Variants in PIK3CB observed in about 807,000 individuals in gnomAD.
PIK3CB encodes phosphatidylinositol 4,5-bisphosphate 3-kinase catalytic subunit beta isoform.
PIK3CB carries 39 observed loss-of-function variants against 136.8 expected under a neutral mutation model. The ratio of observed to expected loss-of-function variants is 0.29; its 90% CI spans 0.22 to 0.37. The LOEUF is 0.37. PIK3CB is among the 10% of genes least tolerant of loss of function. PIK3CB has a pLI of 1.00. For missense variants in PIK3CB, 868 were observed against 1,275.4 expected (o/e 0.68, Z 4.87); for synonymous variants, 428 against 436.6 (o/e 0.98, Z 0.25).
chr3:138,776,085 C>T (rs1371515358), intron 2 of PIK3CB, among the ~76,000 whole-genome samples: 1 of 151,866 alleles, frequency 6.6e-6, no homozygotes. Flanking sequence ...GTAATCCCAG[C>T]GACTCAGGAG....
chr3:138,708,370 C>T (rs2044424310), intron 10 of PIK3CB, among the ~76,000 whole-genome samples: 1 of 151,152 alleles, frequency 6.6e-6, no homozygotes, highest in Non-Finnish European at 1.5e-5. Context: ...AAGTGATCCT[C>T]CCACCTTAGC....
intron 8 of PIK3CB, among the ~76,000 whole-genome samples, chr3:138,723,995 A>C (rs1359627146): frequency 6.6e-6 from 1 of 152,174 alleles, no homozygotes; most frequent in Non-Finnish European, 1.5e-5. Context: ...ACCAAATGTG[A>C]GGGTTTTCCT....
chr3:138,774,958 G>C (rs915697733), intron 2 of PIK3CB, among the ~76,000 whole-genome samples: 14 of 152,196 alleles, frequency 9.2e-5, no homozygotes, highest in Non-Finnish European at 1.9e-4. Context: ...GTTTAAGTTT[G>C]GTCTGGCAAG....
In PIK3CB at chr3:138,733,414, A is replaced by C. The variant is rs377621585; in HGVS notation, c.997T>G (p.Phe333Val). ...ISHVWENNNP[F>V]QIVLVKGNKL... The stretch of plus-strand genomic sequence containing the variant: ...TTTCCCTTAACCAAGACAATTTGGA[A>C]AGGGTTGTTATTTTCCCAAACATGC... Residue 333 changes from phenylalanine to valine, a missense_variant, in exon 8 of 24, where the codon TTC (phenylalanine) becomes GTC (valine). Phe to Val is a conservative substitution (Grantham distance 50). Around this residue, in one of 4 missense-constraint regions of PIK3CB, gnomAD observed 612 missense variants for 801.1 expected, o/e 0.76. Transcript: ENST00000674063. The C allele has an allele frequency of 6.4e-7, 1 of 1,556,720 alleles. No individual in the cohort carries two copies. The highest frequency in any genetic ancestry group is 8.8e-7 in the Non-Finnish European group (1 of 1,130,836).
intron 8 of PIK3CB, among the ~76,000 whole-genome samples, chr3:138,726,909 G>C (rs2044850998): frequency 6.6e-6 from 1 of 151,930 alleles, no homozygotes; most frequent in Non-Finnish European, 1.5e-5. Flanking sequence ...AAATTAGCTG[G>C]GTGTGGTGGT....
At chr3:138,688,109 T>C (rs2043930890) in intron 16 of PIK3CB, among the ~76,000 whole-genome samples, 1 of 152,124 alleles carries the variant, frequency 6.6e-6, no homozygotes, top group Non-Finnish European at 1.5e-5. Flanking sequence ...AAATCCTAAA[T>C]ATTAAAAACA....
intron 19 of PIK3CB, among the ~76,000 whole-genome samples, chr3:138,666,328 G>C (rs959509620): frequency 2.0e-5 from 3 of 152,012 alleles, no homozygotes; most frequent in Non-Finnish European, 4.4e-5. Context: ...GTGCCACTAC[G>C]CCTGGCTAGT....
chr3:138,712,478 G>C (rs184449698), intron 9 of PIK3CB, among the ~76,000 whole-genome samples, 174 bp from the exon 10 acceptor site: 1 of 151,818 alleles, frequency 6.6e-6, no homozygotes, highest in Admixed American at 6.6e-5. Flanking sequence ...TCTTTATTAC[G>C]TTTAAGAAGA....
intron 2 of PIK3CB, among the ~76,000 whole-genome samples, chr3:138,767,585 T>C (rs1467293402): frequency 1.3e-5 from 2 of 152,198 alleles, no homozygotes; most frequent in Non-Finnish European, 2.9e-5. Flanking sequence ...ATTCACACTA[T>C]GGGACTGGAT....
chr3:138,828,679 GA>G (rs1373506219), intron 1 of PIK3CB, among the ~76,000 whole-genome samples: 1 of 152,156 alleles, frequency 6.6e-6, no homozygotes, highest in Non-Finnish European at 1.5e-5. Flanking sequence ...GATCACTTGA[GA>G]CCAGGAGTTC....
At chr3:138,801,242 A>AT in intron 1 of PIK3CB, among the ~76,000 whole-genome samples, 1 of 151,828 alleles carries the variant, frequency 6.6e-6, no homozygotes, top group Middle Eastern at 3.4e-3. Flanking sequence ...CAAGAGTATT[A>AT]TTTTTTAAAT....
At chr3:138,814,351 G>A (rs140344251) in intron 1 of PIK3CB, among the ~76,000 whole-genome samples, 29 of 152,004 alleles carry the variant, frequency 1.9e-4, no homozygotes, top group African/African-American at 5.1e-4. Context: ...GGTGGTGGGC[G>A]CCTATAATCC....
rs77139991 is a variant in PIK3CB, at chr3:138,771,619, T to C, written c.-16-12260A>G. On this transcript the variant is annotated intron_variant, in intron 2 of 23. Coordinates refer to ENST00000674063, the MANE Select transcript of PIK3CB (RefSeq NM_006219.3). ...ATTCCACAAATTATTAAAGAATTGC[T>C]ATAACATTATATATCATATCATTTA... Among the ~76,000 whole-genome samples, 923 of 152,348 alleles carry C rather than the reference T, an allele frequency of 6.1e-3. 15 individuals are homozygous for C. The highest frequency in any genetic ancestry group is 0.036 in the South Asian group (175 of 4,830).
chr3:138,786,905 A>T (rs1431189765), intron 2 of PIK3CB, among the ~76,000 whole-genome samples: 3 of 152,244 alleles, frequency 2.0e-5, no homozygotes, highest in African/African-American at 7.2e-5. Context: ...CATGCTATGC[A>T]GACAGCCAGA....
At position 138,755,918 on chromosome 3, in the gene PIK3CB, T is replaced by C. The variant is rs1351165932; in HGVS notation, c.233A>G (p.Tyr78Cys). ...AGTCTGATTCACACATGCAAACATA[T>C]AGGAGTCAATATCCATAAGGAGGTT... The part of the protein sequence containing the change: ...MFNLLMDIDS[Y>C]MFACVNQTAV... Residue 78 changes from tyrosine (Y) to cysteine (C), a missense_variant, in exon 4 of 24, where the codon TAT (tyrosine) becomes TGT (cysteine). Tyr to Cys is a radical substitution (Grantham distance 194). Coordinates refer to ENST00000674063, the MANE Select transcript of PIK3CB (RefSeq NM_006219.3). 6.2e-7 allele frequency: 1 copy of C among 1,612,598 alleles called. No individual in the cohort carries two copies. Among genetic ancestry groups the C allele is most frequent in the Non-Finnish European group, 8.5e-7 (1 of 1,178,846 alleles).
intron 15 of PIK3CB, among the ~76,000 whole-genome samples, chr3:138,690,190 C>T (rs1233057371): frequency 6.7e-6 from 1 of 149,592 alleles, no homozygotes; most frequent in Non-Finnish European, 1.5e-5. Context: ...AAGAGCACAA[C>T]ATTATAGAGC....
At chr3:138,659,664 G>C (rs1309096579) in intron 21 of PIK3CB, among the ~76,000 whole-genome samples, 1 of 152,074 alleles carries the variant, frequency 6.6e-6, no homozygotes, top group African/African-American at 2.4e-5. Context: ...CTGGTATGTG[G>C]CCTGCTGTGT....
At chr3:138,730,260 T>C (rs987624068) in intron 8 of PIK3CB, among the ~76,000 whole-genome samples, 5 of 152,190 alleles carry the variant, frequency 3.3e-5, no homozygotes, top group Admixed American at 3.3e-4. Flanking sequence ...TGATACCTGA[T>C]AGAAGTGGCA....
intron 2 of PIK3CB, among the ~76,000 whole-genome samples, chr3:138,761,652 C>A (rs901296630): frequency 2.0e-5 from 3 of 152,168 alleles, no homozygotes; most frequent in African/African-American, 7.2e-5. Context: ...TGCCTGTAAT[C>A]CCAGCTACTC....
Sources: allele counts gnomAD v4.1 joint callset (sites outside exome capture counted in the v4.1 genomes callset), GRCh38; gene constraint gnomAD v4.1.1; regional missense constraint gnomAD v4.1.1; transcripts MANE v1.5; gene names NCBI Gene and HGNC (gene_info 2026-07-23, HGNC 2026-07-21).